GRB10: variants seen among roughly 807,000 people sequenced by gnomAD.
GRB10 encodes growth factor receptor-bound protein 10.
Under a neutral mutation model 80.9 loss-of-function variants are expected in GRB10, and 20 were observed. The observed-to-expected ratio is 0.25, with a 90% CI of 0.17 to 0.36. The LOEUF (loss-of-function observed/expected upper bound fraction) is 0.36, where lower values mean the gene tolerates loss of function less well. Ranked by LOEUF, GRB10 falls within the 10% of genes least tolerant of loss-of-function variation. GRB10 has a pLI of 1.00. For missense variants in GRB10, 548 were observed against 747.7 expected, an observed-to-expected ratio of 0.73 and a Z score of 3.12; for synonymous variants, 291 against 291.5, an observed-to-expected ratio of 1.00 and a Z score of 0.02.
At chr7:50,774,555 G>A (rs1481723624) in intron 2 of GRB10, among the ~76,000 whole-genome samples, 1 of 152,124 alleles carries the variant, frequency 6.6e-6, no homozygotes, top group Non-Finnish European at 1.5e-5. Context: ...TTTGATGGGG[G>A]CAAGAATCCA....
rs368289956 is a variant in GRB10 at position 50,595,602 on chromosome 7, T to TATACACACAC, written c.1545-73_1545-72insGTGTGTGTAT. 6.4e-5 allele frequency: 36 copies of TATACACACAC among 561,532 alleles called. No homozygotes were observed. The African/African-American group carries it at 6.4e-4, about 10-fold the overall frequency. 34.8% of individuals were successfully genotyped at this position (561,532 alleles called of 1,614,324 possible). A position where few individuals can be genotyped will look rare whatever the true frequency, so the allele number is the denominator to read the frequency against. On this transcript the variant is annotated intron_variant, in intron 17 of 18. Transcript: ENST00000401949. ...AACTAATCACACACACACACTCTCT[T>TATACACACAC]ACACACACACACACACACACACACA...
At chr7:50,610,374 C>A (rs1461543059) in intron 13 of GRB10, among the ~76,000 whole-genome samples, 2 of 152,236 alleles carry the variant, frequency 1.3e-5, no homozygotes, top group African/African-American at 2.4e-5. Flanking sequence ...GGCCCCGAGG[C>A]CATCACTGCC....
Position 50,716,139 on chromosome 7 carries a change from T to G in GRB10, c.52-12231A>C, listed in dbSNP as rs1300110061. ...CCAAGACTGGGAAGAACCACCAGAA[T>G]GAAGGAGACAGAGCCATCTGGAGAG... is the stretch of plus-strand genomic sequence containing the variant. On this transcript the variant is annotated intron_variant, in intron 4 of 18. Transcript: ENST00000401949. Among the ~76,000 whole-genome samples the G allele has an allele frequency of 8.5e-5, 13 of 152,150 alleles. No individual in the cohort carries two copies. In the East Asian group the frequency reaches 2.5e-3, roughly 29 times the overall value.
At chr7:50,637,168 G>C (rs549254780) in intron 7 of GRB10, among the ~76,000 whole-genome samples, 1 of 152,142 alleles carries the variant, frequency 6.6e-6, no homozygotes, top group South Asian at 2.1e-4. Flanking sequence ...TTAGAGATGA[G>C]GTCTCACTAT....
chr7:50,681,162 TGA>T (rs2061500395), intron 5 of GRB10, among the ~76,000 whole-genome samples: 1 of 152,256 alleles, frequency 6.6e-6, no homozygotes, highest in Non-Finnish European at 1.5e-5. Flanking sequence ...AAGAAGCGAC[TGA>T]GAGCCAAATC....
chr7:50,670,231 T>C (rs1389624800), intron 6 of GRB10, among the ~76,000 whole-genome samples: 1 of 150,016 alleles, frequency 6.7e-6, no homozygotes, highest in Non-Finnish European at 1.5e-5. Flanking sequence ...AGGTAGTGTA[T>C]TCAAACCCAT....
At chr7:50,644,860 AG>A (rs917750344) in intron 7 of GRB10, among the ~76,000 whole-genome samples, 1 of 152,212 alleles carries the variant, frequency 6.6e-6, no homozygotes, top group African/African-American at 2.4e-5. Context: ...GACAGGTGGA[AG>A]GGGCTGGGTA....
At chr7:50,789,603 C>T (rs1333506913) in intron 1 of GRB10, among the ~76,000 whole-genome samples, 1 of 152,178 alleles carries the variant, frequency 6.6e-6, no homozygotes, top group African/African-American at 2.4e-5. Flanking sequence ...CGTTCTCAGG[C>T]TTGACGTTAA....
At chr7:50,621,762 T>C (rs2051801439) in intron 8 of GRB10, among the ~76,000 whole-genome samples, 2 of 152,190 alleles carry the variant, frequency 1.3e-5, no homozygotes, top group African/African-American at 4.8e-5. Flanking sequence ...AAGATAATAT[T>C]CCAAAAATAA....
intron 10 of GRB10, among the ~76,000 whole-genome samples, chr7:50,616,993 C>T (rs2050770067): frequency 6.6e-6 from 1 of 152,214 alleles, no homozygotes; most frequent in Admixed American, 6.5e-5. Flanking sequence ...CTCTTTTCCC[C>T]CAGGTGGGAA....
At chr7:50,767,509 C>A (rs533728702) in intron 2 of GRB10, among the ~76,000 whole-genome samples, 1 of 152,330 alleles carries the variant, frequency 6.6e-6, no homozygotes, top group South Asian at 2.1e-4. Context: ...GGATGCTCCA[C>A]AGGAAGCAGA....
intron 1 of GRB10, among the ~76,000 whole-genome samples, chr7:50,789,794 GC>G (rs1269321017): frequency 1.3e-5 from 2 of 151,996 alleles, no homozygotes; most frequent in East Asian, 3.9e-4. Flanking sequence ...TATCCTAAAA[GC>G]AAAAAAATCA....
At chr7:50,703,296 G>GGCTC (rs1199856076) in intron 5 of GRB10, among the ~76,000 whole-genome samples, 1 of 152,128 alleles carries the variant, frequency 6.6e-6, no homozygotes, top group Non-Finnish European at 1.5e-5. Flanking sequence ...TTAATCCTCA[G>GGCTC]GCTCCTCATC....
intron 3 of GRB10, among the ~76,000 whole-genome samples, chr7:50,733,281 T>C (rs1017350968): frequency 2.0e-5 from 3 of 152,238 alleles, no homozygotes; most frequent in Admixed American, 6.5e-5. Flanking sequence ...CCTTTGATCA[T>C]GGACTTCCAA....
intron 3 of GRB10, among the ~76,000 whole-genome samples, chr7:50,750,110 C>A (rs909249625): frequency 9.9e-5 from 15 of 152,214 alleles, no homozygotes; most frequent in Non-Finnish European, 1.6e-4. Flanking sequence ...GTTGGAATGT[C>A]TGGCCTGCAG....
chr7:50,609,342 A>G lies in GRB10; in HGVS notation c.1195-2928T>C, dbSNP rs182168175. On this transcript the variant is annotated intron_variant, in intron 13 of 18. Coordinates refer to ENST00000401949, the MANE Select transcript of GRB10 (RefSeq NM_001350814.2). ...ATGAAGCAAAGCTGAGGTAAAAATCATTAAATAAATTAATATGTGCCAGAT... is the reference window on the plus strand; with the variant it reads ...ATGAAGCAAAGCTGAGGTAAAAATCGTTAAATAAATTAATATGTGCCAGAT... Among the ~76,000 whole-genome samples, 3 of 152,378 alleles carry G rather than the reference A, an allele frequency of 2.0e-5. No individual in the cohort carries two copies. The East Asian group carries it at 5.8e-4, about 29-fold the overall frequency.
At chr7:50,790,717 G>A (rs1442668680) in intron 1 of GRB10, among the ~76,000 whole-genome samples, 1 of 152,200 alleles carries the variant, frequency 6.6e-6, no homozygotes, top group Non-Finnish European at 1.5e-5. Flanking sequence ...AGAATTCCAA[G>A]GAAATAGATT....
chr7:50,631,804 T>A (rs1173696055), intron 7 of GRB10, among the ~76,000 whole-genome samples: 1 of 152,220 alleles, frequency 6.6e-6, no homozygotes, highest in African/African-American at 2.4e-5. Context: ...TCCACGCACA[T>A]GTCTCTGCCC....
chr7:50,669,831 G>T lies in GRB10; in HGVS notation c.395C>A (p.Thr132Asn). The stretch of plus-strand genomic sequence containing the variant: ...ATTGGGGATGGCCGGCAGAGATGAG[G>T]TTCTAAACTGCTGGTCTTCCTCCTG... ...RLQEEDQQFR[T>N]SSLPAIPNPF... is the part of the protein sequence containing the mutation. Residue 132 changes from threonine to asparagine, a missense_variant, in exon 7 of 19, where the codon ACC becomes AAC. Coordinates refer to ENST00000401949, the MANE Select transcript of GRB10 (RefSeq NM_001350814.2). 6.2e-7 allele frequency: 1 copy of T among 1,613,564 alleles called. No homozygotes were observed. Among genetic ancestry groups the T allele is most frequent in the Non-Finnish European group, 8.5e-7 (1 of 1,179,786 alleles).
Sources: allele counts gnomAD v4.1 joint callset (sites outside exome capture counted in the v4.1 genomes callset), GRCh38; gene constraint gnomAD v4.1.1; transcripts MANE v1.5; gene names NCBI Gene and HGNC (gene_info 2026-07-23, HGNC 2026-07-21).